FAM13A: variants seen among roughly 807,000 people sequenced by gnomAD.
The protein encoded by FAM13A is protein FAM13A.
FAM13A carries 76 observed loss-of-function variants against 129.6 expected under a neutral mutation model. The ratio of observed to expected loss-of-function variants is 0.59; its 90% confidence interval spans 0.49 to 0.71. FAM13A has a LOEUF of 0.71. FAM13A is among the 30% of genes least tolerant of loss of function. The pLI, the probability that FAM13A is intolerant of heterozygous loss-of-function variation, is 0.00. For synonymous variants in FAM13A, 443 were observed against 449.9 expected, an observed-to-expected ratio of 0.98 and a Z score of 0.20; for missense variants, 1,108 against 1,249.3, an observed-to-expected ratio of 0.89 and a Z score of 1.70.
intron 2 of FAM13A, among the ~76,000 whole-genome samples, chr4:89,021,152 C>T (rs1254612693): frequency 6.6e-6 from 1 of 152,172 alleles, no homozygotes; most frequent in African/African-American, 2.4e-5. Context: ...AAATGTAAGA[C>T]TCTAGGAAAC....
intron 6 of FAM13A, among the ~76,000 whole-genome samples, chr4:88,867,792 T>C (rs1454158059): frequency 2.0e-5 from 3 of 152,134 alleles, no homozygotes; most frequent in African/African-American, 7.2e-5. Flanking sequence ...GTGATAGAAA[T>C]ATAAAAACAT....
intron 8 of FAM13A, among the ~76,000 whole-genome samples, chr4:88,802,346 A>G (rs1727640238): frequency 2.0e-5 from 3 of 152,194 alleles, no homozygotes; most frequent in Admixed American, 6.5e-5. Context: ...GCTACATGGA[A>G]TGGTGGCAGG....
intron 4 of FAM13A, among the ~76,000 whole-genome samples, chr4:88,954,885 CAA>C (rs71598428): frequency 1.2e-4 from 15 of 123,946 alleles, no homozygotes; most frequent in South Asian, 2.5e-4. Context: ...GACTTCGTCT[CAA>C]AAAAAAAAAA....
At chr4:89,048,484 GT>G (rs1771144860) in intron 1 of FAM13A, among the ~76,000 whole-genome samples, 1 of 152,066 alleles carries the variant, frequency 6.6e-6, no homozygotes, top group Non-Finnish European at 1.5e-5. Context: ...TGGTGGGAAT[GT>G]TCTAGAAATG....
chr4:88,899,964 C>T (rs1207481511), intron 6 of FAM13A, among the ~76,000 whole-genome samples: 2 of 151,966 alleles, frequency 1.3e-5, no homozygotes, highest in Non-Finnish European at 2.9e-5. Flanking sequence ...GTGAATAACA[C>T]AATATAAGAA....
intron 6 of FAM13A, among the ~76,000 whole-genome samples, chr4:88,905,218 G>A (rs377399630): frequency 6.6e-6 from 1 of 151,990 alleles, no homozygotes; most frequent in African/African-American, 2.4e-5. Context: ...TGCGACCTCT[G>A]CTTCTGAGGT....
chr4:89,006,602 G>GT (rs1387068472), intron 3 of FAM13A, among the ~76,000 whole-genome samples: 1 of 152,212 alleles, frequency 6.6e-6, no homozygotes, highest in Non-Finnish European at 1.5e-5. Context: ...TCTTTTAGCA[G>GT]TTGCTATCCA....
At position 88,739,093 on chromosome 4, in the gene FAM13A, T is replaced by C. The variant is rs778203509; in HGVS notation, c.2499A>G (p.Pro833=). Reference sequence around the variant, plus strand: ...TGACCAGCCGGTACCTGTCGTATAGTGGCTTCATCACCTGCCGTTCGTTCT... The same window carrying C: ...TGACCAGCCGGTACCTGTCGTATAGCGGCTTCATCACCTGCCGTTCGTTCT... ...VTKNERQVMK[P]LYDRYRLVKQ... The change falls in exon 20 of 24, where the codon CCA becomes CCG. Residue 833 remains proline (P), a synonymous_variant. Transcript: ENST00000264344. 5 of 1,613,856 alleles carry C rather than the reference T, an allele frequency of 3.1e-6. No homozygotes were observed. The highest frequency in any genetic ancestry group is 1.1e-5 in the South Asian group (1 of 91,074).
In FAM13A at chr4:88,841,387, A is replaced by G. The variant is rs1735792380; in HGVS notation, c.1007+9633T>C. 3.3e-5 allele frequency among the ~76,000 whole-genome samples: 5 copies of G among 150,796 alleles called. No individual in the cohort carries two copies. The Admixed American group carries it at 3.3e-4, about 10-fold the overall frequency. ...CATGCGCCTGTAATCCCAGCTACTC[A>G]GGAGGCTGAGGCAGGAGAACCGTTT... On this transcript the variant is annotated intron_variant, in intron 7 of 23. Coordinates refer to ENST00000264344, the MANE Select transcript of FAM13A (RefSeq NM_014883.4).
chr4:89,056,852 C>A (rs1560984819), intron 1 of FAM13A, 86 bp downstream of exon 1: 1 of 1,312,956 alleles, frequency 7.6e-7, no homozygotes, highest in East Asian at 2.3e-5. Flanking sequence ...ATAAGTTACA[C>A]AAACATCTCA....
At chr4:88,929,312 T>G (rs1309691787) in intron 5 of FAM13A, among the ~76,000 whole-genome samples, 1 of 152,184 alleles carries the variant, frequency 6.6e-6, no homozygotes, top group Non-Finnish European at 1.5e-5. Flanking sequence ...CTCTGGCTAA[T>G]TTGAAAATTC....
chr4:88,763,696 A>G (rs1745225249), intron 13 of FAM13A, among the ~76,000 whole-genome samples: 1 of 152,224 alleles, frequency 6.6e-6, no homozygotes. Context: ...GATATAGTTA[A>G]GTGGCCTAAT....
rs1411940880 is a variant in FAM13A at position 88,952,231 on chromosome 4, A to T, written c.606-13990T>A. On this transcript the variant is annotated intron_variant, in intron 4 of 23. Transcript: ENST00000264344. ...CAACCAGAATGCTTCCAAATGGGCT[A>T]AAGAAACATTGGCAAGGCCTGTCAG... is the stretch of plus-strand genomic sequence containing the variant. 2.0e-5 allele frequency among the ~76,000 whole-genome samples: 3 copies of T among 152,318 alleles called. No individual in the cohort carries two copies. In the East Asian group the frequency reaches 5.8e-4, roughly 29 times the overall value.
chr4:88,738,534 C>A (rs984648625), intron 20 of FAM13A, among the ~76,000 whole-genome samples: 2 of 152,194 alleles, frequency 1.3e-5, no homozygotes, highest in African/African-American at 4.8e-5. Flanking sequence ...AATGAGTAGC[C>A]TCCTTTCCTA....
At position 88,905,013 on chromosome 4, in the gene FAM13A, A is replaced by C. The variant is rs541652820; in HGVS notation, c.843+1366T>G. ...TTTTTATTTAAAAAAATTACAGCTGAACATTTTACTTTACGCCCAGAAGGG... is the reference window on the plus strand; with the variant it reads ...TTTTTATTTAAAAAAATTACAGCTGCACATTTTACTTTACGCCCAGAAGGG... On this transcript the variant is annotated intron_variant, in intron 6 of 23. Transcript: ENST00000264344. 6.3e-4 allele frequency among the ~76,000 whole-genome samples: 96 copies of C among 152,306 alleles called. 1 individual carries two copies. The highest frequency in any genetic ancestry group is 2.1e-3 in the African/African-American group (89 of 41,578).
At chr4:88,896,938 C>G (rs1228567780) in intron 6 of FAM13A, among the ~76,000 whole-genome samples, 1 of 152,148 alleles carries the variant, frequency 6.6e-6, no homozygotes, top group African/African-American at 2.4e-5. Flanking sequence ...ATACAATGAC[C>G]TACCTTGAGT....
Position 88,749,982 on chromosome 4 carries a change from G to A in FAM13A, c.1941-73C>T, listed in dbSNP as rs578050270. On this transcript the variant is annotated intron_variant, in intron 15 of 23. Transcript: ENST00000264344. Reference sequence around the variant, plus strand: ...TTGCCTAGAGGGGCCCTGGGGAAGTGGGACACCATGTGGCATGCGGTGGTG... The same window carrying A: ...TTGCCTAGAGGGGCCCTGGGGAAGTAGGACACCATGTGGCATGCGGTGGTG... 1.0e-5 allele frequency: 16 copies of A among 1,537,124 alleles called. No homozygotes were observed. The South Asian group carries it at 1.2e-4, about 11-fold the overall frequency.
chr4:88,914,777 T>C (rs914462321), intron 5 of FAM13A, among the ~76,000 whole-genome samples: 2 of 152,240 alleles, frequency 1.3e-5, no homozygotes, highest in Non-Finnish European at 2.9e-5. Context: ...ATTCTAGTAT[T>C]CAGTGTATAG....
intron 8 of FAM13A, among the ~76,000 whole-genome samples, chr4:88,801,536 A>C (rs1490284297): frequency 6.6e-6 from 1 of 152,222 alleles, no homozygotes; most frequent in Admixed American, 6.5e-5. Flanking sequence ...TAAATGAGAA[A>C]ACGAAAAGAG....
Sources: gnomAD v4.1 joint callset for allele counts (sites outside exome capture counted in the v4.1 genomes callset) on GRCh38, gnomAD v4.1.1 for gene constraint, MANE v1.5 for transcripts, NCBI Gene and HGNC (gene_info 2026-07-23, HGNC 2026-07-21) for gene names.